FARP1: variants seen among roughly 807,000 people sequenced by gnomAD.
FARP1 encodes FERM, ARH/RhoGEF and pleckstrin domain protein 1.
In FARP1, 52 loss-of-function variants were observed where a neutral mutation model predicts 128.8. The ratio of observed to expected loss-of-function variants is 0.40; its 90% confidence interval spans 0.32 to 0.51. The LOEUF is 0.51. FARP1 is among the 20% of genes least tolerant of loss of function. The pLI, the probability that FARP1 is intolerant of heterozygous loss-of-function variation, is 0.45. For missense variants in FARP1, 1,333 were observed against 1,367.9 expected, an observed-to-expected ratio of 0.97 and a Z score of 0.40; for synonymous variants, 580 against 551.8, an observed-to-expected ratio of 1.05 and a Z score of -0.72.
chr13:98,147,894 A>C (rs1246836101), intron 1 of FARP1, among the ~76,000 whole-genome samples: 1 of 151,902 alleles, frequency 6.6e-6, no homozygotes, highest in Non-Finnish European at 1.5e-5. Flanking sequence ...ATCCTTGTTG[A>C]ATGAATAATA....
chr13:98,279,071 G>A lies in FARP1; in HGVS notation c.172-64691G>A, dbSNP rs189107692. On this transcript the variant is annotated intron_variant, in intron 2 of 26. Transcript: ENST00000319562. ...AGGATGGTCTTGATCTCCTGACCTC[G>A]TTATCTGCCCGCCTCGGCCTCCCAA... 7.3e-3 allele frequency among the ~76,000 whole-genome samples: 1,104 copies of A among 150,866 alleles called. 13 individuals are homozygous for A. The highest frequency in any genetic ancestry group is 0.026 in the African/African-American group (1,062 of 40,900).
chr13:98,395,921 C>T (rs1404534686), intron 13 of FARP1: 3 of 399,310 alleles, frequency 7.5e-6, no homozygotes, highest in Admixed American at 4.4e-5. Flanking sequence ...AGAACTGGGT[C>T]TCAAGGCTAT....
In FARP1 at chr13:98,446,187, C is replaced by T. The variant is rs752812700; in HGVS notation, c.2886C>T (p.Phe962=). 1.2e-6 allele frequency: 2 copies of T among 1,612,616 alleles called. No homozygotes were observed. Among genetic ancestry groups the T allele is most frequent in the South Asian group, 2.2e-5 (2 of 90,976 alleles). Residue 962 remains phenylalanine (F), a synonymous_variant, in exon 25 of 27, where the codon TTC becomes TTT. Transcript: ENST00000319562. ...LWVVFTNFCL[F]FYKSHQDNHP... ...TGGTGTTCACAAACTTCTGCCTGTT[C>T]TTCTACAAATCACACCAGGTAAGTG... is the stretch of plus-strand genomic sequence containing the variant.
intron 2 of FARP1, among the ~76,000 whole-genome samples, chr13:98,222,380 C>G (rs1198144769): frequency 1.3e-5 from 2 of 152,188 alleles, no homozygotes; most frequent in Non-Finnish European, 2.9e-5. Flanking sequence ...TACATTATCT[C>G]ATTTGTTGCT....
intron 1 of FARP1, among the ~76,000 whole-genome samples, chr13:98,166,370 A>G (rs776819440): frequency 6.6e-6 from 1 of 152,196 alleles, no homozygotes; most frequent in Non-Finnish European, 1.5e-5. Flanking sequence ...ATGGCTTACA[A>G]CCTTATAACC....
chr13:98,250,211 C>G (rs907966135), intron 2 of FARP1, among the ~76,000 whole-genome samples: 21 of 152,134 alleles, frequency 1.4e-4, no homozygotes, highest in African/African-American at 4.8e-4. Context: ...GTCTGTCATT[C>G]TTTAAAATGC....
In FARP1 at chr13:98,439,957, A is replaced by C. The variant is rs1324268530; in HGVS notation, c.2434-4A>C. 2 of 1,554,504 alleles carry C rather than the reference A, an allele frequency of 1.3e-6. No individual in the cohort carries two copies. The highest frequency in any genetic ancestry group is 2.7e-5 in the African/African-American group (2 of 73,166). On this transcript the variant is annotated splice_polypyrimidine_tract_variant and splice_region_variant and intron_variant, in intron 21 of 26. Coordinates refer to ENST00000319562, the MANE Select transcript of FARP1 (RefSeq NM_005766.4). ...ATGGTGACGTTATCTTCTCTTGCCCACAGATTGAGGAGAGCGAAGACGAGT... is the reference window on the plus strand; with the variant it reads ...ATGGTGACGTTATCTTCTCTTGCCCCCAGATTGAGGAGAGCGAAGACGAGT...
chr13:98,387,159 G>T (rs1424482203), intron 8 of FARP1, among the ~76,000 whole-genome samples: 1 of 152,100 alleles, frequency 6.6e-6, no homozygotes, highest in Admixed American at 6.5e-5. Flanking sequence ...AAATTAGCTG[G>T]GCATGATGGC....
chr13:98,190,983 T>C (rs539602309), intron 1 of FARP1, among the ~76,000 whole-genome samples: 79 of 152,292 alleles, frequency 5.2e-4, no homozygotes, highest in Non-Finnish European at 8.7e-4. Context: ...CTGCATCTTA[T>C]CATCTCCCCC....
Position 98,439,208 on chromosome 13 carries a change from A to C in FARP1, c.2433+12A>C. 1 of 1,595,582 alleles carries C rather than the reference A, an allele frequency of 6.3e-7. No individual in the cohort carries two copies. The highest frequency in any genetic ancestry group is 8.6e-7 in the Non-Finnish European group (1 of 1,166,480). On this transcript the variant is annotated intron_variant, in intron 21 of 26. Coordinates refer to ENST00000319562, the MANE Select transcript of FARP1 (RefSeq NM_005766.4). ...TCTATGGCATGACGGTGAGTACAGC[A>C]CAGGCTCGTGGCCAGGGCCTGTCCT... is the stretch of plus-strand genomic sequence containing the variant.
intron 3 of FARP1, among the ~76,000 whole-genome samples, chr13:98,360,679 G>T (rs1296709902): frequency 1.3e-5 from 2 of 152,184 alleles, no homozygotes; most frequent in African/African-American, 4.8e-5. Context: ...AATAAATACA[G>T]TAGGCCTTCA....
In FARP1 at chr13:98,446,108, C is replaced by G; in HGVS notation, c.2807C>G (p.Ser936Cys). The change falls in exon 25 of 27, where the codon TCT (serine) becomes TGT (cysteine). Residue 936 changes from serine (S) to cysteine (C), a missense_variant. By Grantham distance (112) the Ser-to-Cys change is moderately radical (BLOSUM62 -1). Transcript: ENST00000319562. ...DFSIAVENQL[S>C]GNLLRKFKNS... is the part of the protein sequence containing the mutation. Reference sequence around the variant, plus strand: ...CTCCTTGCCTTTCAGAATCAGTTGTCTGGAAACCTGCTGAGGAAATTCAAA... The same window carrying G: ...CTCCTTGCCTTTCAGAATCAGTTGTGTGGAAACCTGCTGAGGAAATTCAAA... The G allele has an allele frequency of 6.2e-7, 1 of 1,613,490 alleles. No homozygotes were observed. Among genetic ancestry groups the G allele is most frequent in the African/African-American group, 1.3e-5 (1 of 75,068 alleles).
At chr13:98,321,602 C>A (rs1281594120) in intron 2 of FARP1, among the ~76,000 whole-genome samples, 1 of 152,188 alleles carries the variant, frequency 6.6e-6, no homozygotes, top group African/African-American at 2.4e-5. Flanking sequence ...AAAAGAAACA[C>A]TTTAATATGG....
chr13:98,410,677 C>T (rs72652220), intron 14 of FARP1, 57 bp from the exon 15 acceptor site: 12 of 823,426 alleles, frequency 1.5e-5, no homozygotes, highest in Admixed American at 4.1e-5. Context: ...GGACATTCTC[C>T]GAGACGCATA....
chr13:98,159,216 G>A (rs1876699184), intron 1 of FARP1, among the ~76,000 whole-genome samples: 1 of 152,152 alleles, frequency 6.6e-6, no homozygotes, highest in African/African-American at 2.4e-5. Context: ...ACTGTGCTCA[G>A]CATGTTGCAT....
rs2140113881 is a variant in FARP1 at position 98,409,465 on chromosome 13, C to T, written c.1542C>T (p.Ser514=). Residue 514 remains serine (S), a synonymous_variant, in exon 14 of 27, where the codon AGC becomes AGT. Coordinates refer to ENST00000319562, the MANE Select transcript of FARP1 (RefSeq NM_005766.4). ...CCAAGCAGGCCTCTCCCTTGATCAGCCCGCTGCTGAATGACCAGGCCTGCC... is the reference window on the plus strand; with the variant it reads ...CCAAGCAGGCCTCTCCCTTGATCAGTCCGCTGCTGAATGACCAGGCCTGCC... ...PDTKQASPLI[S]PLLNDQACPR... 4 of 1,614,020 alleles carry T rather than the reference C, an allele frequency of 2.5e-6. No homozygotes were observed. Among genetic ancestry groups the T allele is most frequent in the East Asian group, 2.2e-5 (1 of 44,870 alleles).
chr13:98,388,604 TC>T, intron 9 of FARP1, 126 bp downstream of exon 9: 3 of 709,748 alleles, frequency 4.2e-6, no homozygotes, highest in Non-Finnish European at 5.0e-6. Context: ...GGTGCTTTTG[TC>T]CACATGAACG....
intron 2 of FARP1, among the ~76,000 whole-genome samples, chr13:98,315,549 T>C (rs1886683660): frequency 1.3e-5 from 2 of 152,210 alleles, no homozygotes; most frequent in African/African-American, 4.8e-5. Flanking sequence ...AGGAGATAGA[T>C]GTGAGAACAG....
chr13:98,241,156 G>T (rs1225792998), intron 2 of FARP1, among the ~76,000 whole-genome samples: 1 of 152,224 alleles, frequency 6.6e-6, no homozygotes, highest in Admixed American at 6.5e-5. Flanking sequence ...GCCCTGGGAA[G>T]AGTCAGGAAT....
Sources: gnomAD v4.1 joint callset for allele counts (sites outside exome capture counted in the v4.1 genomes callset) on GRCh38, gnomAD v4.1.1 for gene constraint, MANE v1.5 for transcripts, NCBI Gene and HGNC (gene_info 2026-07-23, HGNC 2026-07-21) for gene names.